The following GRXCR2 variants were observed in gnomAD, a reference collection of about 807,000 sequenced individuals.
GRXCR2 encodes the protein glutaredoxin domain-containing cysteine-rich protein 2.
In GRXCR2, 23 loss-of-function variants were observed where a neutral mutation model predicts 24.8. That is an observed-to-expected ratio of 0.93 (90% CI 0.67 to 1.32). The LOEUF (loss-of-function observed/expected upper bound fraction) is 1.32, where lower values mean the gene tolerates loss of function less well. Ranked by LOEUF, GRXCR2 falls within the 40% of genes most tolerant of loss-of-function variation. The pLI is 0.00. For synonymous variants in GRXCR2, 130 were observed against 116.1 expected (o/e 1.12, Z -0.77); for missense variants, 315 against 303.4 (o/e 1.04, Z -0.28).
intron 2 of GRXCR2, among the ~76,000 whole-genome samples, chr5:145,898,376 C>G (rs369761326): frequency 5.9e-5 from 9 of 151,736 alleles, no homozygotes; most frequent in African/African-American, 2.2e-4. Context: ...AAAGCTGGCA[C>G]CACATCAATT....
chr5:145,896,554 A>G (rs771248889), intron 2 of GRXCR2, among the ~76,000 whole-genome samples: 15 of 152,370 alleles, frequency 9.8e-5, no homozygotes, highest in African/African-American at 2.6e-4. Context: ...ACTGGTCATC[A>G]GAGAAATGCA....
upstream of GRXCR2, among the ~76,000 whole-genome samples, chr5:145,873,928 C>G (rs542642285): frequency 8.7e-4 from 132 of 152,270 alleles, no homozygotes; most frequent in African/African-American, 3.1e-3. Flanking sequence ...GAAATAATAA[C>G]CTCATGCTTA....
upstream of GRXCR2, among the ~76,000 whole-genome samples, chr5:145,876,411 A>C (rs1243555187): frequency 1.3e-5 from 2 of 151,006 alleles, no homozygotes; most frequent in Non-Finnish European, 1.5e-5. Context: ...TGAGTAGCTG[A>C]GACCAAGGCA....
rs1282856072 is a variant in GRXCR2, at chr5:145,893,433, G to A, written c.-69-26705C>T. Among the ~76,000 whole-genome samples, 4 of 152,260 alleles carry A rather than the reference G, an allele frequency of 2.6e-5. No homozygotes were observed. The East Asian group carries it at 7.7e-4, about 29-fold the overall frequency. ...CATAGGCTCAAAATAAAGGGATGGA[G>A]GAAGAACTACCAAGCAAATGGAAAA... On this transcript the variant is annotated intron_variant, in intron 2 of 3. Transcript: ENST00000639411.
At chr5:145,876,316 G>A (rs1382638917), upstream of GRXCR2, among the ~76,000 whole-genome samples, 17 of 142,302 alleles carry the variant, frequency 1.2e-4, no homozygotes, top group South Asian at 2.3e-4. Flanking sequence ...TTGCTCTGTC[G>A]CCCAGGTTGG....
intron 1 of GRXCR2, among the ~76,000 whole-genome samples, chr5:145,867,297 G>T (rs1336080773): frequency 6.6e-6 from 1 of 152,076 alleles, no homozygotes; most frequent in African/African-American, 2.4e-5. Flanking sequence ...CCCCACCAAG[G>T]TGACAGAGTT....
intron 2 of GRXCR2, among the ~76,000 whole-genome samples, chr5:145,922,477 A>C (rs1294712455): frequency 6.6e-6 from 1 of 152,036 alleles, no homozygotes; most frequent in Non-Finnish European, 1.5e-5. Context: ...CTTCTGTGTC[A>C]CCTCCTAAGC....
chr5:145,874,227 C>T (rs1054003967), upstream of GRXCR2, among the ~76,000 whole-genome samples: 39 of 147,868 alleles, frequency 2.6e-4, no homozygotes, highest in African/African-American at 8.8e-4. Flanking sequence ...TTTTTTGAGA[C>T]GGAGTCTCAC....
At chr5:145,882,825 T>C (rs1052942171) in intron 2 of GRXCR2, among the ~76,000 whole-genome samples, 1 of 152,162 alleles carries the variant, frequency 6.6e-6, no homozygotes, top group East Asian at 1.9e-4. Flanking sequence ...ATATACACCA[T>C]GTAATACTAT....
intron 2 of GRXCR2, among the ~76,000 whole-genome samples, chr5:145,889,943 T>C (rs911316264): frequency 2.0e-5 from 3 of 152,288 alleles, no homozygotes; most frequent in East Asian, 3.9e-4. Context: ...GCTTCTGGAA[T>C]TAAAATACTC....
chr5:145,931,256 C>A (rs1757473630), intron 2 of GRXCR2, among the ~76,000 whole-genome samples: 1 of 151,968 alleles, frequency 6.6e-6, no homozygotes, highest in African/African-American at 2.4e-5. Context: ...GGTCTTGAAC[C>A]CCTGAACTCA....
At chr5:145,891,290 G>T (rs115940563) in intron 2 of GRXCR2, among the ~76,000 whole-genome samples, 1 of 152,102 alleles carries the variant, frequency 6.6e-6, no homozygotes, top group Non-Finnish European at 1.5e-5. Flanking sequence ...GTGGGTGCAG[G>T]ACAGTGGGTT....
intron 2 of GRXCR2, among the ~76,000 whole-genome samples, chr5:145,908,667 G>A (rs1307445461): frequency 6.6e-6 from 1 of 152,132 alleles, no homozygotes; most frequent in Non-Finnish European, 1.5e-5. Context: ...ATTATAATAA[G>A]CAAAAACTCC....
intron 1 of GRXCR2, among the ~76,000 whole-genome samples, chr5:145,867,616 C>G: frequency 6.6e-6 from 1 of 152,146 alleles, no homozygotes; most frequent in Non-Finnish European, 1.5e-5. Flanking sequence ...TGGAGGGTAA[C>G]TGTTTAGAAA....
intron 2 of GRXCR2, among the ~76,000 whole-genome samples, chr5:145,920,173 C>T (rs1014682160): frequency 6.6e-6 from 1 of 152,042 alleles, no homozygotes; most frequent in African/African-American, 2.4e-5. Flanking sequence ...GGGGTGTCTA[C>T]ACTATTACTC....
Position 145,930,060 on chromosome 5 carries a change from C to CTTTATTTATTTATTTA in GRXCR2, c.-70+5625_-70+5640dup, listed in dbSNP as rs77261565. On this transcript the variant is annotated intron_variant, in intron 2 of 3. Transcript: ENST00000639411. Reference sequence around the variant, plus strand: ...GAGAAAGCCTCAGTTTTGGGCTAGTCTTTATTTATTTATTTATTTATTATT... The same window carrying CTTTATTTATTTATTTA: ...GAGAAAGCCTCAGTTTTGGGCTAGTCTTTATTTATTTATTTATTTATTTATTTATTTATTTATTATT... Among the ~76,000 whole-genome samples, 987 of 151,168 alleles carry CTTTATTTATTTATTTA rather than the reference C, an allele frequency of 6.5e-3. 8 individuals are homozygous for CTTTATTTATTTATTTA. The highest frequency in any genetic ancestry group is 0.014 in the African/African-American group (581 of 41,246).
chr5:145,901,073 A>G (rs1054055333), intron 2 of GRXCR2, among the ~76,000 whole-genome samples: 4 of 152,008 alleles, frequency 2.6e-5, no homozygotes, highest in Admixed American at 6.5e-5. Flanking sequence ...ACATGTTTTC[A>G]CTTGTAAGTG....
At position 145,872,620 on chromosome 5, in the gene GRXCR2, G is replaced by A; in HGVS notation, c.336+13C>T. The A allele has an allele frequency of 6.3e-7, 1 of 1,575,242 alleles. No homozygotes were observed. The highest frequency in any genetic ancestry group is 2.3e-5 in the East Asian group (1 of 44,416). On this transcript the variant is annotated intron_variant, in intron 1 of 2. Transcript: ENST00000377976. ...CCTACCCTTAAAGCCTATATGCCAT[G>A]CACAATACCAACCTTATGGTCATTC...
chr5:145,889,814 A>C (rs1202639998), intron 2 of GRXCR2, among the ~76,000 whole-genome samples: 2 of 152,254 alleles, frequency 1.3e-5, no homozygotes, highest in Non-Finnish European at 2.9e-5. Context: ...GAAAATCAAC[A>C]GAAAGAAACT....
Sources: gnomAD v4.1 joint callset for allele counts (sites outside exome capture counted in the v4.1 genomes callset) on GRCh38, gnomAD v4.1.1 for gene constraint, MANE v1.5 for transcripts, NCBI Gene and HGNC (gene_info 2026-07-23, HGNC 2026-07-21) for gene names.